MYO9B: variants seen among roughly 807,000 people sequenced by gnomAD.
MYO9B encodes myosin IXB.
In MYO9B, 71 loss-of-function variants were observed where a neutral mutation model predicts 229.5. The ratio of observed to expected loss-of-function variants is 0.31; its 90% confidence interval spans 0.26 to 0.38. The LOEUF (loss-of-function observed/expected upper bound fraction) is 0.38, where lower values mean the gene tolerates loss of function less well. Ranked by LOEUF, MYO9B falls within the 10% of genes least tolerant of loss-of-function variation. MYO9B has a pLI of 1.00. For synonymous variants in MYO9B, 1,185 were observed against 1,235.8 expected (o/e 0.96, Z 0.86); for missense variants, 2,255 against 2,920.5 (o/e 0.77, Z 5.25).
At position 17,114,727 on chromosome 19, in the gene MYO9B, G is replaced by C. The variant is rs560202667; in HGVS notation, c.840+12170G>C. On this transcript the variant is annotated intron_variant, in intron 2 of 39. Coordinates refer to ENST00000682292, the MANE Select transcript of MYO9B (RefSeq NM_004145.4). Reference sequence around the variant, plus strand: ...CGCCCTGGATTCTGTGGTCCTCCCTGTCCTCCTGGGGTGACTTCTTGAAAC... The same window carrying C: ...CGCCCTGGATTCTGTGGTCCTCCCTCTCCTCCTGGGGTGACTTCTTGAAAC... 5.9e-5 allele frequency among the ~76,000 whole-genome samples: 9 copies of C among 152,168 alleles called. No individual in the cohort carries two copies. The East Asian group carries it at 1.7e-3, about 29-fold the overall frequency.
At chr19:17,161,448 G>A (rs1200775006) in intron 8 of MYO9B, among the ~76,000 whole-genome samples, 4 of 152,062 alleles carry the variant, frequency 2.6e-5, no homozygotes, top group Admixed American at 1.3e-4. Context: ...GGAGGCCAGG[G>A]CAGAAGGATT....
intron 7 of MYO9B, among the ~76,000 whole-genome samples, chr19:17,158,909 G>A (rs910574257): frequency 1.2e-4 from 18 of 152,158 alleles, no homozygotes; most frequent in African/African-American, 4.1e-4. Context: ...ACAGTACATC[G>A]CAGGCCAGGT....
intron 36 of MYO9B, 35 bp downstream of exon 36, chr19:17,209,744 T>C (rs2073204754): frequency 6.6e-7 from 1 of 1,522,308 alleles, no homozygotes; most frequent in Admixed American, 1.8e-5. Flanking sequence ...GGGACCTCTT[T>C]GGTGGGGCGG....
chr19:17,145,420 C>A lies in MYO9B; in HGVS notation c.864C>A (p.Ala288=). ...AGGCTTTTGGAAATGCCAAGACAGC[C>A]CACAACAACAACTCCAGCCGGTTTG... The part of the protein sequence containing the change: ...VLEAFGNAKT[A]HNNNSSRFGK... Residue 288 remains alanine, a synonymous_variant, in exon 3 of 40, where the codon GCC becomes GCA. Transcript: ENST00000682292. 6.2e-7 allele frequency: 1 copy of A among 1,613,964 alleles called. No homozygotes were observed. Among genetic ancestry groups the A allele is most frequent in the Non-Finnish European group, 8.5e-7 (1 of 1,179,886 alleles).
At chr19:17,173,874 C>T (rs1308831713) in intron 13 of MYO9B, among the ~76,000 whole-genome samples, 4 of 152,066 alleles carry the variant, frequency 2.6e-5, no homozygotes, top group African/African-American at 9.7e-5. Context: ...TTTCAGTTAT[C>T]AGCTGTGGCT....
intron 2 of MYO9B, among the ~76,000 whole-genome samples, chr19:17,137,476 C>T (rs569000201): frequency 2.0e-5 from 3 of 152,240 alleles, no homozygotes; most frequent in East Asian, 1.9e-4. Context: ...CAAAAGCACC[C>T]GGCTACTTCC....
intron 17 of MYO9B, 81 bp downstream of exon 17, chr19:17,185,068 C>A (rs1234418417): frequency 1.9e-6 from 3 of 1,590,648 alleles, no homozygotes; most frequent in Non-Finnish European, 2.6e-6. Flanking sequence ...CGAGCACAGC[C>A]CGTCTCTAGT....
intron 1 of MYO9B, among the ~76,000 whole-genome samples, chr19:17,078,964 C>G (rs190059232): frequency 1.3e-5 from 2 of 152,180 alleles, no homozygotes; most frequent in Non-Finnish European, 2.9e-5. Flanking sequence ...TCTCCAGGGC[C>G]GTTTCTCACC....
chr19:17,210,157 T>A (rs1374879437), intron 36 of MYO9B, among the ~76,000 whole-genome samples, 176 bp from the exon 37 acceptor site: 1 of 152,062 alleles, frequency 6.6e-6, no homozygotes, highest in African/African-American at 2.4e-5. Flanking sequence ...GGGGAAATGT[T>A]CCCATAGCAG....
intron 2 of MYO9B, among the ~76,000 whole-genome samples, chr19:17,121,831 T>G (rs367605560): frequency 6.6e-6 from 1 of 151,470 alleles, no homozygotes; most frequent in African/African-American, 2.4e-5. Flanking sequence ...ACTAAAAATA[T>G]GACAATTGGC....
intron 14 of MYO9B, among the ~76,000 whole-genome samples, chr19:17,178,811 G>GT (rs1490690561): frequency 6.6e-6 from 1 of 151,920 alleles, no homozygotes; most frequent in Non-Finnish European, 1.5e-5. Flanking sequence ...ACGTGGGCAG[G>GT]TCACTTGAGG....
intron 5 of MYO9B, 72 bp from the exon 6 acceptor site, chr19:17,154,243 G>A: frequency 6.7e-7 from 1 of 1,483,904 alleles, no homozygotes; most frequent in Non-Finnish European, 9.3e-7. Context: ...ACCAGCTCCA[G>A]CCAAAATCAC....
intron 2 of MYO9B, among the ~76,000 whole-genome samples, chr19:17,115,469 C>CTTTTT (rs35124094): frequency 7.5e-6 from 1 of 132,506 alleles, no homozygotes; most frequent in Admixed American, 7.9e-5. Context: ...TCACAGATGC[C>CTTTTT]TTTTTTTTTT....
At chr19:17,143,763 A>G (rs1400608988) in intron 2 of MYO9B, among the ~76,000 whole-genome samples, 1 of 152,152 alleles carries the variant, frequency 6.6e-6, no homozygotes, top group African/African-American at 2.4e-5. Context: ...TCTACTACAA[A>G]TACAAAAATT....
chr19:17,171,679 C>T (rs928428705), intron 11 of MYO9B, among the ~76,000 whole-genome samples: 5 of 152,136 alleles, frequency 3.3e-5, no homozygotes, highest in Middle Eastern at 3.2e-3. Context: ...TGGCTGGGCG[C>T]GGTGGCTCAC....
At chr19:17,211,036 T>G (rs1056928997) in intron 38 of MYO9B, among the ~76,000 whole-genome samples, 188 bp downstream of exon 38, 4 of 134,962 alleles carry the variant, frequency 3.0e-5, no homozygotes, top group Non-Finnish European at 6.0e-5. Flanking sequence ...CCAGCTGGAG[T>G]GCAGTGGTGC....
In MYO9B at chr19:17,086,913, GTCTGTCCCAGCAGGGACA is replaced by G. The variant is rs552736996; in HGVS notation, c.-59+11040_-59+11057del. On this transcript the variant is annotated intron_variant, in intron 1 of 39. Transcript: ENST00000682292. ...AAAAAGTCTCCAGACATTGTCAGAT[GTCTGTCCCAGCAGGGACA>G]GACTCACTGCTGGCTGAGAACTGCA... Among the ~76,000 whole-genome samples, 904 of 151,180 alleles carry G rather than the reference GTCTGTCCCAGCAGGGACA, an allele frequency of 6.0e-3. 16 individuals are homozygous for G. The highest frequency in any genetic ancestry group is 0.021 in the African/African-American group (871 of 41,114).
intron 2 of MYO9B, among the ~76,000 whole-genome samples, chr19:17,125,728 T>C (rs557781297): frequency 6.6e-6 from 1 of 152,314 alleles, no homozygotes; most frequent in South Asian, 2.1e-4. Context: ...CTCAGCTCTC[T>C]GTACATCCCT....
At chr19:17,143,453 C>T (rs1010204665) in intron 2 of MYO9B, among the ~76,000 whole-genome samples, 1 of 152,176 alleles carries the variant, frequency 6.6e-6, no homozygotes, top group African/African-American at 2.4e-5. Context: ...CCTATAGAAG[C>T]TCCATCCTCG....
Sources: allele counts gnomAD v4.1 joint callset (sites outside exome capture counted in the v4.1 genomes callset), GRCh38; gene constraint gnomAD v4.1.1; transcripts MANE v1.5; gene names NCBI Gene and HGNC (gene_info 2026-07-23, HGNC 2026-07-21).